CCDC110: variants seen among roughly 807,000 people sequenced by gnomAD.
CCDC110 encodes the protein coiled-coil domain containing 110, also known as coiled-coil domain-containing protein 110.
A neutral mutation model predicts 77.1 loss-of-function variants in CCDC110; 70 were observed. The observed-to-expected ratio is 0.91, with a 90% CI of 0.75 to 1.11. CCDC110 has a LOEUF of 1.11. Ranked by LOEUF, CCDC110 falls within the 50% of genes least tolerant of loss-of-function variation. The pLI, the probability that CCDC110 is intolerant of heterozygous loss-of-function variation, is 0.00. For missense variants in CCDC110, 868 were observed against 942.9 expected, an observed-to-expected ratio of 0.92 and a Z score of 1.04; for synonymous variants, 295 against 312.5, an observed-to-expected ratio of 0.94 and a Z score of 0.59.
chr4:185,469,651 C>T (rs546585449), intron 2 of CCDC110, among the ~76,000 whole-genome samples: 1 of 152,300 alleles, frequency 6.6e-6, no homozygotes, highest in Admixed American at 6.5e-5. Flanking sequence ...CTGCATATCT[C>T]AAGGGTGGAG....
intron 6 of CCDC110, among the ~76,000 whole-genome samples, chr4:185,451,573 A>G (rs2153318259): frequency 6.6e-6 from 1 of 152,368 alleles, no homozygotes; most frequent in Non-Finnish European, 1.5e-5. Flanking sequence ...ATCAAAGAGT[A>G]ATATTGAATA....
chr4:185,470,831 C>G (rs989638587), intron 2 of CCDC110, 114 bp downstream of exon 2: 36 of 797,852 alleles, frequency 4.5e-5, no homozygotes, highest in Non-Finnish European at 8.1e-5. Flanking sequence ...GCCGTGGTGG[C>G]TGCTGTCCGT....
At chr4:185,471,623 G>A (rs2095668246) in intron 1 of CCDC110, 51 bp downstream of exon 1, 1 of 1,545,860 alleles carries the variant, frequency 6.5e-7, no homozygotes, top group South Asian at 1.2e-5. Flanking sequence ...CCCTTCTGCT[G>A]CCCTCCGTTC....
intron 6 of CCDC110, among the ~76,000 whole-genome samples, chr4:185,456,566 G>T (rs1233704084): frequency 6.6e-6 from 1 of 152,102 alleles, no homozygotes; most frequent in Non-Finnish European, 1.5e-5. Context: ...TTAAAGAGGG[G>T]ACATCGCTAC....
chr4:185,463,110 G>A (rs1163625459), intron 2 of CCDC110, 61 bp from the exon 3 acceptor site: 1 of 1,318,990 alleles, frequency 7.6e-7, no homozygotes. Context: ...TTTAAAACCT[G>A]TAATAGAAAG....
intron 5 of CCDC110, 106 bp downstream of exon 5, chr4:185,460,943 G>A: frequency 2.1e-6 from 1 of 470,790 alleles, no homozygotes; most frequent in Non-Finnish European, 4.4e-6. Context: ...ATCTCTGATG[G>A]TCCATTTTTC....
At chr4:185,453,761 A>G (rs2095632407) in intron 6 of CCDC110, among the ~76,000 whole-genome samples, 1 of 150,654 alleles carries the variant, frequency 6.6e-6, no homozygotes, top group Non-Finnish European at 1.5e-5. Context: ...GCCCACACTC[A>G]TCTCCAACTC....
chr4:185,465,476 C>T (rs1002560198), intron 2 of CCDC110, among the ~76,000 whole-genome samples: 8 of 152,296 alleles, frequency 5.3e-5, no homozygotes, highest in Middle Eastern at 3.4e-3. Context: ...ACCGTGATTG[C>T]ACTGTTACTA....
In CCDC110 at chr4:185,460,230, C is replaced by T; in HGVS notation, c.357G>A (p.Glu119=). 1.3e-6 allele frequency: 2 copies of T among 1,597,258 alleles called. No homozygotes were observed. Among genetic ancestry groups the T allele is most frequent in the Non-Finnish European group, 1.7e-6 (2 of 1,176,182 alleles). Residue 119 remains glutamate (E), a synonymous_variant, in exon 6 of 7, where the codon GAG becomes GAA. Coordinates refer to ENST00000307588, the MANE Select transcript of CCDC110 (RefSeq NM_152775.4). ...CCATAGAAAGGTTTTCTTCTTGATT[C>T]TCTGTAGGCTGTAACAATAAGAAGT... is the stretch of plus-strand genomic sequence containing the variant. ...GTRIEKDLPT[E]NQEENLSMEK... is the part of the protein sequence containing the mutation.
chr4:185,459,867 G>A lies in CCDC110; in HGVS notation c.720C>T (p.Asp240=). 6.2e-7 allele frequency: 1 copy of A among 1,613,546 alleles called. No individual in the cohort carries two copies. The highest frequency in any genetic ancestry group is 8.5e-7 in the Non-Finnish European group (1 of 1,179,824). ...LKHGFCENLD[D]ICHSIKQMKE... Reference sequence around the variant, plus strand: ...TCATTTGTTTGATAGAATGGCAAATGTCATCTAAATTTTCACAAAATCCAT... The same window carrying A: ...TCATTTGTTTGATAGAATGGCAAATATCATCTAAATTTTCACAAAATCCAT... Residue 240 remains aspartate, a synonymous_variant, in exon 6 of 7, where the codon GAC becomes GAT. Coordinates refer to ENST00000307588, the MANE Select transcript of CCDC110 (RefSeq NM_152775.4).
intron 6 of CCDC110, among the ~76,000 whole-genome samples, chr4:185,451,702 G>A (rs1471626499): frequency 5.3e-5 from 8 of 152,140 alleles, no homozygotes; most frequent in Admixed American, 5.2e-4. Flanking sequence ...TGGGCGTGGT[G>A]GCTCATGCCT....
At chr4:185,461,002 G>GTTTTTTTTTTTTTTTTTTTTT in intron 5 of CCDC110, 47 bp downstream of exon 5, 3 of 948,666 alleles carry the variant, frequency 3.2e-6, no homozygotes, top group Non-Finnish European at 5.1e-6. Context: ...TGGTAGTCAC[G>GTTTTTTTTTTTTTTTTTTTTT]TTTTGAAGTA....
chr4:185,457,621 G>A, intron 6 of CCDC110: 1 of 551,544 alleles, frequency 1.8e-6, no homozygotes, highest in Admixed American at 3.8e-5. Flanking sequence ...GTTCTTGACA[G>A]TATAAAATAT....
In CCDC110 at chr4:185,470,928, C is replaced by T. The variant is rs759588585; in HGVS notation, c.115+17G>A. 16 of 1,558,486 alleles carry T rather than the reference C, an allele frequency of 1.0e-5. No homozygotes were observed. Among genetic ancestry groups the T allele is most frequent in the East Asian group, 2.2e-5 (1 of 44,538 alleles). ...TGTGTATAGTTAAAGGAGCCTTTTA[C>T]GGTCTGGCGATTTTACCTGTGTCAC... On this transcript the variant is annotated intron_variant, in intron 2 of 6. Transcript: ENST00000307588.
intron 6 of CCDC110, among the ~76,000 whole-genome samples, chr4:185,451,955 T>G (rs756943177): frequency 2.2e-4 from 33 of 152,348 alleles, no homozygotes; most frequent in African/African-American, 2.9e-4. Flanking sequence ...TTTATATAAA[T>G]GTATTGTGTC....
Position 185,458,325 on chromosome 4 carries a change from T to C in CCDC110, c.2262A>G (p.Glu754=). The change falls in exon 6 of 7, where the codon GAA becomes GAG. Residue 754 remains glutamate, a synonymous_variant. Transcript: ENST00000307588. ...CAAATTCCAAGGTATCCCTTTCATT[T>C]TCTATGCTTCTTACGTAATTTTCTA... The part of the protein sequence containing the change: ...ILLENYVRSI[E]NERDTLEFEM... 1 of 1,590,198 alleles carries C rather than the reference T, an allele frequency of 6.3e-7. No individual in the cohort carries two copies. Among genetic ancestry groups the C allele is most frequent in the Non-Finnish European group, 8.5e-7 (1 of 1,173,364 alleles).
At chr4:185,461,263 C>A in intron 4 of CCDC110, 104 bp from the exon 5 acceptor site, 1 of 568,642 alleles carries the variant, frequency 1.8e-6, no homozygotes, top group Non-Finnish European at 3.1e-6. Context: ...AATTTCCTGC[C>A]CATAAACAGT....
rs2095640345 is a variant in CCDC110, at chr4:185,458,749, A to G, written c.1838T>C (p.Ile613Thr). 3.7e-6 allele frequency: 6 copies of G among 1,609,846 alleles called. No homozygotes were observed. The highest frequency in any genetic ancestry group is 5.1e-6 in the Non-Finnish European group (6 of 1,179,162). Residue 613 changes from isoleucine (I) to threonine (T), a missense_variant, in exon 6 of 7, where the codon ATA becomes ACA. Coordinates refer to ENST00000307588, the MANE Select transcript of CCDC110 (RefSeq NM_152775.4). Reference protein sequence around the residue: ...GNELKESQLEIIQLKEKERLA... With the variant: ...GNELKESQLETIQLKEKERLA... ...TCTTTCTTTCTCTTTTAGCTGGATT[A>G]TCTCTAGCTGGCTTTCTTTTAGTTC... is the stretch of plus-strand genomic sequence containing the variant.
chr4:185,456,043 C>G (rs1162227773), intron 6 of CCDC110, among the ~76,000 whole-genome samples: 1 of 152,114 alleles, frequency 6.6e-6, no homozygotes, highest in Non-Finnish European at 1.5e-5. Context: ...ACCTGTCAAC[C>G]ACGTTTACTC....
Sources: allele counts gnomAD v4.1 joint callset (sites outside exome capture counted in the v4.1 genomes callset), GRCh38; gene constraint gnomAD v4.1.1; transcripts MANE v1.5; gene names NCBI Gene and HGNC (gene_info 2026-07-23, HGNC 2026-07-21).